The following PIGR variants were observed in gnomAD, a reference collection of about 807,000 sequenced individuals.
The protein encoded by PIGR is polymeric immunoglobulin receptor, also known as hepatocellular carcinoma associated protein TB6.
PIGR carries 22 observed loss-of-function variants against 69.5 expected under a neutral mutation model. The observed-to-expected ratio is 0.32, with a 90% CI of 0.23 to 0.45. The LOEUF (loss-of-function observed/expected upper bound fraction) is 0.45. Among genes scored for constraint, PIGR ranks in the 20% least tolerant of loss-of-function variants. The probability of loss-of-function intolerance (pLI) is 1.00; values close to 1 mark genes in which losing one functional copy is unlikely to be tolerated. For synonymous variants in PIGR, 413 were observed against 407.6 expected (o/e 1.01, Z -0.16); for missense variants, 885 against 974.0 (o/e 0.91, Z 1.22).
chr1:206,934,859 A>G, intron 5 of PIGR, 113 bp from the exon 6 acceptor site: 3 of 480,876 alleles, frequency 6.2e-6, no homozygotes, highest in East Asian at 7.6e-5. Context: ...ATATATATAT[A>G]TTTTTGTTTT....
intron 1 of PIGR, 80 bp from the exon 2 acceptor site, chr1:206,940,664 A>G (rs2102603002): frequency 2.3e-6 from 2 of 863,598 alleles, no homozygotes; most frequent in Non-Finnish European, 3.5e-6. Flanking sequence ...TGTGACATCT[A>G]TTTGGCTTTG....
chr1:206,932,920 T>C lies in PIGR; in HGVS notation c.1886+66A>G, dbSNP rs947458114. 25 of 1,507,990 alleles carry C rather than the reference T, an allele frequency of 1.7e-5. No individual in the cohort carries two copies. The African/African-American group carries it at 3.3e-4, about 20-fold the overall frequency. 93.4% of individuals were successfully genotyped at this position (1,507,990 alleles called of 1,614,324 possible). On this transcript the variant is annotated intron_variant, in intron 7 of 10. Coordinates refer to ENST00000356495, the MANE Select transcript of PIGR (RefSeq NM_002644.4). Reference sequence around the variant, plus strand: ...GATGGGCTTTCCTCCTTGGACCTGGTGGCCCAGCCTCAGGTGCTCGGCTCT... The same window carrying C: ...GATGGGCTTTCCTCCTTGGACCTGGCGGCCCAGCCTCAGGTGCTCGGCTCT...
chr1:206,941,086 C>T (rs1319927525), intron 1 of PIGR, among the ~76,000 whole-genome samples: 1 of 152,194 alleles, frequency 6.6e-6, no homozygotes, highest in African/African-American at 2.4e-5. Context: ...TGATGATGGT[C>T]CTAACCCCAT....
In PIGR at chr1:206,940,559, C is replaced by T; in HGVS notation, c.-28G>A. ...CTGGTGGGTCCCGAGCGCCGCACCA[C>T]TCAGGCCGACTTCTCCTGTGCAATG... On this transcript the variant is annotated 5_prime_UTR_variant, in exon 2 of 11. The change creates a new upstream start codon in the 5' untranslated region. Coordinates refer to ENST00000356495, the MANE Select transcript of PIGR (RefSeq NM_002644.4). The T allele has an allele frequency of 6.5e-7, 1 of 1,547,018 alleles. No individual in the cohort carries two copies. Among genetic ancestry groups the T allele is most frequent in the Non-Finnish European group, 8.7e-7 (1 of 1,144,848 alleles).
rs142361439 is a variant in PIGR at position 206,930,630 on chromosome 1, C to T, written c.2200-217G>A. 2 of 985,418 alleles carry T rather than the reference C, an allele frequency of 2.0e-6. No homozygotes were observed. The highest frequency in any genetic ancestry group is 3.5e-5 in the African/African-American group (2 of 57,344). The allele number at this position is 985,418 out of a possible 1,614,324, so 61.0% of individuals were successfully genotyped here. A position where few individuals can be genotyped will look rare whatever the true frequency, so the allele number is the denominator to read the frequency against. On this transcript the variant is annotated intron_variant, in intron 10 of 10. Coordinates refer to ENST00000356495, the MANE Select transcript of PIGR (RefSeq NM_002644.4). The surrounding 1 kb of genome is among the most constrained non-coding windows in gnomAD (Gnocchi z 4.3). The stretch of plus-strand genomic sequence containing the variant: ...CCTCTAAAAATATCTTCTTCTGTCT[C>T]ACTACCTCCTTCTGACACACGGAGT...
Position 206,939,401 on chromosome 1 carries a change from C to T in PIGR, c.106G>A (p.Val36Met). 1 of 1,614,136 alleles carries T rather than the reference C, an allele frequency of 6.2e-7. No individual in the cohort carries two copies. The highest frequency in any genetic ancestry group is 8.5e-7 in the Non-Finnish European group (1 of 1,179,980). The change falls in exon 3 of 11, where the codon GTG (valine) becomes ATG (methionine). Residue 36 changes from valine to methionine, a missense_variant. Physicochemically the swap from Val to Met is conservative, Grantham distance 21. Coordinates refer to ENST00000356495, the MANE Select transcript of PIGR (RefSeq NM_002644.4). ...GGTGGGTAGTAGCACGTGATGGACA[C>T]TGAGTTACCTTCCACACTATTCACC... The part of the protein sequence containing the change: ...EEVNSVEGNS[V>M]SITCYYPPTS...
chr1:206,939,017 G>A (rs914705992), intron 3 of PIGR, 102 bp downstream of exon 3: 66 of 1,049,532 alleles, frequency 6.3e-5, no homozygotes, highest in Admixed American at 6.1e-4. Flanking sequence ...CCCCCAACCC[G>A]GCTACACATC....
At chr1:206,931,037 C>T in intron 10 of PIGR, 1 of 985,378 alleles carries the variant, frequency 1.0e-6, no homozygotes, top group Non-Finnish European at 1.2e-6. Flanking sequence ...GAGAAGTGAG[C>T]AGGGGCTTCT....
At chr1:206,931,621 A>G (rs1482059741) in intron 9 of PIGR, 50 bp downstream of exon 9, 1 of 1,613,850 alleles carries the variant, frequency 6.2e-7, no homozygotes. Context: ...ATGTGAGACC[A>G]ATTCTTACTC....
In PIGR at chr1:206,937,598, C is replaced by A; in HGVS notation, c.542G>T (p.Gly181Val). The A allele has an allele frequency of 6.2e-7, 1 of 1,614,006 alleles. No homozygotes were observed. The highest frequency in any genetic ancestry group is 8.5e-7 in the Non-Finnish European group (1 of 1,179,950). Reference sequence around the variant, plus strand: ...TCCTGTATAGTTGGGATTTACATAACCACTGGAGTCGATGACCAGCACAGG... The same window carrying A: ...TCCTGTATAGTTGGGATTTACATAAACACTGGAGTCGATGACCAGCACAGG... ...LYPVLVIDSS[G>V]YVNPNYTGRI... The change falls in exon 4 of 11, where the codon GGT becomes GTT. Residue 181 changes from glycine (G) to valine (V), a missense_variant. Physicochemically the swap from Gly to Val is moderately radical, Grantham distance 109 (BLOSUM62 -3). Transcript: ENST00000356495.
intron 9 of PIGR, 51 bp downstream of exon 9, chr1:206,931,620 C>T: frequency 6.2e-7 from 1 of 1,613,838 alleles, no homozygotes. Flanking sequence ...GATGTGAGAC[C>T]AATTCTTACT....
chr1:206,932,386 T>C, intron 8 of PIGR, 70 bp downstream of exon 8: 1 of 1,499,974 alleles, frequency 6.7e-7, no homozygotes, highest in Non-Finnish European at 8.9e-7. Flanking sequence ...CAGCTTCCTC[T>C]ATGGGTGGAT....
At chr1:206,940,619 C>T (rs1572647817) in intron 1 of PIGR, 35 bp from the exon 2 acceptor site, 7 of 1,322,654 alleles carry the variant, frequency 5.3e-6, no homozygotes, top group East Asian at 5.3e-5. Flanking sequence ...ATGAAGCGCC[C>T]CTTGTCTTCC....
At position 206,940,716 on chromosome 1, in the gene PIGR, G is replaced by A. The variant is rs1167055674; in HGVS notation, c.-53-132C>T. On this transcript the variant is annotated intron_variant, in intron 1 of 10. Coordinates refer to ENST00000356495, the MANE Select transcript of PIGR (RefSeq NM_002644.4). ...CATAAATCCTGTTGAATGAATCAGT[G>A]CCTCCACTTTTTCCATAACAATTCA... The A allele has an allele frequency of 1.1e-5, 6 of 570,238 alleles. No homozygotes were observed. In the South Asian group the frequency reaches 1.5e-4, roughly 14 times the overall value. 35.3% of individuals were successfully genotyped at this position (570,238 alleles called of 1,614,324 possible). A position where few individuals can be genotyped will look rare whatever the true frequency, so the allele number is the denominator to read the frequency against.
Position 206,935,471 on chromosome 1 carries a change from C to G in PIGR, c.1378+15G>C. ...GAGAGGTTTTAGAGCTTTCTCCCTC[C>G]CTGTCAACTCCTACCTTCGATAATC... On this transcript the variant is annotated intron_variant, in intron 5 of 10. Transcript: ENST00000356495. This position sits in a 1 kb window ranked among gnomAD's most constrained non-coding sequence, Gnocchi z 4.4. The G allele has an allele frequency of 1.3e-6, 2 of 1,594,498 alleles. No individual in the cohort carries two copies. Among genetic ancestry groups the G allele is most frequent in the Non-Finnish European group, 1.7e-6 (2 of 1,165,428 alleles).
chr1:206,945,162 C>T (rs1680079904), intron 1 of PIGR, among the ~76,000 whole-genome samples: 1 of 152,154 alleles, frequency 6.6e-6, no homozygotes, highest in South Asian at 2.1e-4. Flanking sequence ...AGAGAGAATT[C>T]CAGATCTGGC....
rs192366290 is a variant in PIGR, at chr1:206,930,153, G to A, written c.*165C>T. 457 of 513,284 alleles carry A rather than the reference G, an allele frequency of 8.9e-4. No individual in the cohort carries two copies. The highest frequency in any genetic ancestry group is 3.6e-3 in the African/African-American group (186 of 51,212). 31.8% of individuals were successfully genotyped at this position (513,284 alleles called of 1,614,324 possible). A position where few individuals can be genotyped will look rare whatever the true frequency, so the allele number is the denominator to read the frequency against. On this transcript the variant is annotated 3_prime_UTR_variant, in exon 11 of 11. Transcript: ENST00000356495. This position sits in a 1 kb window ranked among gnomAD's most constrained non-coding sequence, Gnocchi z 4.3. The stretch of plus-strand genomic sequence containing the variant: ...TCCCCAATAGGAACAATTAGGCCAG[G>A]CTTTGATGTCACTGAGGAGGGGACC...
intron 1 of PIGR, among the ~76,000 whole-genome samples, chr1:206,944,769 G>T (rs972325053): frequency 6.6e-6 from 1 of 152,066 alleles, no homozygotes; most frequent in African/African-American, 2.4e-5. Flanking sequence ...TTTTAAGTTG[G>T]ATAGTTTGCT....
chr1:206,930,216 G>A lies in PIGR; in HGVS notation c.*102C>T, dbSNP rs1386483343. 2 of 950,344 alleles carry A rather than the reference G, an allele frequency of 2.1e-6. No individual in the cohort carries two copies. Among genetic ancestry groups the A allele is most frequent in the African/African-American group, 3.3e-5 (2 of 60,484 alleles). 58.9% of individuals were successfully genotyped at this position (950,344 alleles called of 1,614,324 possible). On this transcript the variant is annotated 3_prime_UTR_variant, in exon 11 of 11. Coordinates refer to ENST00000356495, the MANE Select transcript of PIGR (RefSeq NM_002644.4). This position sits in a 1 kb window ranked among gnomAD's most constrained non-coding sequence, Gnocchi z 4.3. ...AGGACAGTAGGAAAAACCTAGGCAGGTGTTAGAGCAGGGAGTGGGGTCCCC... is the reference window on the plus strand; with the variant it reads ...AGGACAGTAGGAAAAACCTAGGCAGATGTTAGAGCAGGGAGTGGGGTCCCC...
Sources: gnomAD v4.1 joint callset for allele counts (sites outside exome capture counted in the v4.1 genomes callset) on GRCh38, gnomAD v4.1.1 for gene constraint, Gnocchi (gnomAD v3.1) non-coding constraint, MANE v1.5 for transcripts, NCBI Gene and HGNC (gene_info 2026-07-23, HGNC 2026-07-21) for gene names.